The following FBXL5 variants were observed in gnomAD, a reference collection of about 807,000 sequenced individuals.
FBXL5 encodes F-box and leucine rich repeat protein 5, also known as F-box/LRR-repeat protein 5.
In FBXL5, 26 loss-of-function variants were observed where a neutral mutation model predicts 78.3. The observed-to-expected ratio is 0.33, with a 90% CI of 0.24 to 0.46. The LOEUF (loss-of-function observed/expected upper bound fraction) is 0.46. Ranked by LOEUF, FBXL5 falls within the 20% of genes least tolerant of loss-of-function variation. FBXL5 has a pLI of 1.00. For missense variants in FBXL5, 710 were observed against 829.2 expected (o/e 0.86, Z 1.77); for synonymous variants, 295 against 282.5 (o/e 1.04, Z -0.45).
intron 1 of FBXL5, among the ~76,000 whole-genome samples, chr4:15,651,155 C>T (rs1337167352): frequency 6.6e-6 from 1 of 152,126 alleles, no homozygotes; most frequent in Admixed American, 6.5e-5. Context: ...GAGACTTATA[C>T]TCAGTGAAGA....
chr4:15,610,122 AG>A (rs929403531), intron 10 of FBXL5, among the ~76,000 whole-genome samples: 19 of 152,216 alleles, frequency 1.2e-4, no homozygotes, highest in African/African-American at 4.3e-4. Flanking sequence ...AATAGTAACA[AG>A]GATGCCCCTG....
chr4:15,619,856 T>C (rs1338419958), intron 9 of FBXL5, among the ~76,000 whole-genome samples: 1 of 152,040 alleles, frequency 6.6e-6, no homozygotes, highest in Non-Finnish European at 1.5e-5. Flanking sequence ...AGTAAAATTA[T>C]CTCTATTTAC....
chr4:15,607,372 C>T (rs1240984936), intron 10 of FBXL5, among the ~76,000 whole-genome samples: 1 of 152,008 alleles, frequency 6.6e-6, no homozygotes, highest in Non-Finnish European at 1.5e-5. Context: ...CTTTTCTGGT[C>T]TTTAAATGAG....
At chr4:15,615,898 G>A (rs1484569842) in intron 9 of FBXL5, among the ~76,000 whole-genome samples, 1 of 152,232 alleles carries the variant, frequency 6.6e-6, no homozygotes, top group Non-Finnish European at 1.5e-5. Flanking sequence ...CCACACTGTG[G>A]AAGCTTTGTT....
chr4:15,618,369 A>G (rs1712124266), intron 9 of FBXL5, among the ~76,000 whole-genome samples: 1 of 152,196 alleles, frequency 6.6e-6, no homozygotes, highest in Non-Finnish European at 1.5e-5. Flanking sequence ...AAATATAATA[A>G]TGATGAAAAT....
intron 10 of FBXL5, among the ~76,000 whole-genome samples, chr4:15,609,977 T>C (rs1356161033): frequency 3.3e-5 from 5 of 152,134 alleles, no homozygotes; most frequent in Non-Finnish European, 1.5e-5. Context: ...GTTAACTATA[T>C]ATGTTTTCTT....
intron 9 of FBXL5, among the ~76,000 whole-genome samples, chr4:15,622,482 G>A (rs748193233): frequency 1.4e-4 from 22 of 152,144 alleles, no homozygotes; most frequent in Non-Finnish European, 3.2e-4. Context: ...CTACTCAAAT[G>A]ATGCCTGTTT....
chr4:15,636,810 ATAACATGTATTAGAGG>A, intron 4 of FBXL5, 134 bp from the exon 5 acceptor site: 1 of 618,234 alleles, frequency 1.6e-6, no homozygotes, highest in East Asian at 2.8e-5. Context: ...TGAAAATGAA[ATAACATGTATTAGAGG>A]TAACATGGGG....
intron 9 of FBXL5, among the ~76,000 whole-genome samples, chr4:15,619,813 T>TC (rs1475243990): frequency 6.6e-6 from 1 of 151,750 alleles, no homozygotes; most frequent in Admixed American, 6.6e-5. Context: ...AAGACCCAGT[T>TC]CCCCCCACCC....
upstream of FBXL5, among the ~76,000 whole-genome samples, chr4:15,657,521 C>T (rs1374668003): frequency 1.3e-5 from 2 of 152,192 alleles, no homozygotes; most frequent in African/African-American, 4.8e-5. Flanking sequence ...AAAAGTCCAT[C>T]CACACAGTTT....
chr4:15,634,656 T>A (rs1244723097), intron 5 of FBXL5, among the ~76,000 whole-genome samples: 1 of 152,078 alleles, frequency 6.6e-6, no homozygotes, highest in Non-Finnish European at 1.5e-5. Flanking sequence ...TGTGAGCCAC[T>A]GTGCCCGGCC....
upstream of FBXL5, among the ~76,000 whole-genome samples, chr4:15,662,202 T>C (rs558734232): frequency 6.6e-6 from 1 of 152,190 alleles, no homozygotes; most frequent in Non-Finnish European, 1.5e-5. Context: ...AGGGCCATCT[T>C]TGAAGCTGGC....
At chr4:15,637,883 A>C (rs1326278885) in intron 4 of FBXL5, among the ~76,000 whole-genome samples, 1 of 149,916 alleles carries the variant, frequency 6.7e-6, no homozygotes, top group Non-Finnish European at 1.5e-5. Flanking sequence ...ATAAATAATT[A>C]CTGAGGAACT....
chr4:15,654,027 G>A (rs1716491144), intron 1 of FBXL5, among the ~76,000 whole-genome samples: 1 of 152,182 alleles, frequency 6.6e-6, no homozygotes, highest in Non-Finnish European at 1.5e-5. Flanking sequence ...ATGGAGGGAG[G>A]GAGAAGATGG....
chr4:15,627,176 C>T (rs903340199), intron 7 of FBXL5, among the ~76,000 whole-genome samples: 1 of 148,594 alleles, frequency 6.7e-6, no homozygotes, highest in Non-Finnish European at 1.5e-5. Flanking sequence ...GCTCTGTCAC[C>T]CAGGCTGGAG....
At position 15,612,249 on chromosome 4, in the gene FBXL5, C is replaced by T. The variant is rs776427593; in HGVS notation, c.1999+17G>A. 2.7e-6 allele frequency: 4 copies of T among 1,484,016 alleles called. No homozygotes were observed. Among genetic ancestry groups the T allele is most frequent in the South Asian group, 1.5e-5 (1 of 68,446 alleles). The allele number at this position is 1,484,016 out of a possible 1,614,324, so 91.9% of individuals were successfully genotyped here. Reference sequence around the variant, plus strand: ...AATTAATTCCTTCAAAATTATCGCACTGTTAAAAGGCATTACCGTTAATGT... The same window carrying T: ...AATTAATTCCTTCAAAATTATCGCATTGTTAAAAGGCATTACCGTTAATGT... On this transcript the variant is annotated intron_variant, in intron 10 of 10. Transcript: ENST00000341285.
chr4:15,650,169 G>C (rs1432802797), intron 1 of FBXL5, among the ~76,000 whole-genome samples: 3 of 152,102 alleles, frequency 2.0e-5, no homozygotes, highest in Non-Finnish European at 4.4e-5. Flanking sequence ...CAGGGATGTG[G>C]CTAAACATCC....
intron 5 of FBXL5, among the ~76,000 whole-genome samples, chr4:15,635,714 T>C (rs1714177544): frequency 1.3e-5 from 2 of 150,150 alleles, no homozygotes; most frequent in East Asian, 1.9e-4. Context: ...GATCGCGCCA[T>C]TGCACTCTTG....
intron 1 of FBXL5, among the ~76,000 whole-genome samples, chr4:15,679,957 G>C (rs1023783905): frequency 1.3e-5 from 2 of 152,156 alleles, no homozygotes; most frequent in Non-Finnish European, 2.9e-5. Context: ...CTGAAGAGTT[G>C]TTTCTAATAT....
Sources: allele counts gnomAD v4.1 joint callset (sites outside exome capture counted in the v4.1 genomes callset), GRCh38; gene constraint gnomAD v4.1.1; transcripts MANE v1.5; gene names NCBI Gene and HGNC (gene_info 2026-07-23, HGNC 2026-07-21).